The following GPRIN3 variants were observed in gnomAD, a reference collection of about 807,000 sequenced individuals.
GPRIN3 encodes GPRIN family member 3.
A neutral mutation model predicts 13.7 loss-of-function variants in GPRIN3; 12 were observed. The ratio of observed to expected loss-of-function variants is 0.87; its 90% CI spans 0.56 to 1.42. The LOEUF is 1.42. GPRIN3 is among the 40% of genes most tolerant of loss of function. GPRIN3 has a pLI of 0.00. For missense variants in GPRIN3, 1,009 were observed against 958.7 expected (o/e 1.05, Z -0.69); for synonymous variants, 377 against 372.7 (o/e 1.01, Z -0.13).
At chr4:89,278,931 C>T (rs1724168667) in intron 1 of GPRIN3, among the ~76,000 whole-genome samples, 2 of 152,216 alleles carry the variant, frequency 1.3e-5, no homozygotes, top group African/African-American at 4.8e-5. Context: ...AGGCCTGTCA[C>T]TGGAAGAAAC....
chr4:89,259,711 C>A (rs1723574274), intron 1 of GPRIN3, among the ~76,000 whole-genome samples: 1 of 152,170 alleles, frequency 6.6e-6, no homozygotes, highest in Non-Finnish European at 1.5e-5. Flanking sequence ...TCTACCACCC[C>A]CAACTGTTCC....
intron 1 of GPRIN3, among the ~76,000 whole-genome samples, chr4:89,301,590 C>T (rs528838691): frequency 7.2e-5 from 11 of 152,260 alleles, no homozygotes; most frequent in African/African-American, 2.6e-4. Flanking sequence ...ACACAATATG[C>T]TTATTTTAAT....
rs1277960037 is a variant in GPRIN3 at position 89,248,193 on chromosome 4, C to T, written c.1918G>A (p.Glu640Lys). 24 of 1,614,018 alleles carry T rather than the reference C, an allele frequency of 1.5e-5. No homozygotes were observed. Among genetic ancestry groups the T allele is most frequent in the Admixed American group, 5.0e-5 (3 of 60,006 alleles). Residue 640 changes from glutamate to lysine, a missense_variant, in exon 2 of 2, where the codon GAG (glutamate) becomes AAG (lysine). Coordinates refer to ENST00000609438, the MANE Select transcript of GPRIN3 (RefSeq NM_198281.3). Reference sequence around the variant, plus strand: ...TTTAACTTTTGCTCCTTGAGGAACTCGCTGACGCGGCTGGGCCTGCGTGGG... The same window carrying T: ...TTTAACTTTTGCTCCTTGAGGAACTTGCTGACGCGGCTGGGCCTGCGTGGG... ...ASPRRPSRVS[E>K]FLKEQKLNVT...
At chr4:89,252,574 C>T (rs562749275) in intron 1 of GPRIN3, among the ~76,000 whole-genome samples, 1 of 152,288 alleles carries the variant, frequency 6.6e-6, no homozygotes, top group African/African-American at 2.4e-5. Context: ...AAAATCAAAT[C>T]CGGTTGGACC....
chr4:89,262,935 C>CAA (rs1723673442), intron 1 of GPRIN3, among the ~76,000 whole-genome samples: 1 of 152,030 alleles, frequency 6.6e-6, no homozygotes. Context: ...GAAATTAAGT[C>CAA]AAAACATCAA....
chr4:89,248,675 G>C lies in GPRIN3; in HGVS notation c.1436C>G (p.Ala479Gly), dbSNP rs1457075990. 6.8e-6 allele frequency: 11 copies of C among 1,614,142 alleles called. No homozygotes were observed. Among genetic ancestry groups the C allele is most frequent in the Non-Finnish European group, 9.3e-6 (11 of 1,180,010 alleles). ...DQISISACSQ[A>G]ETSYGLGKFE... ...TTTCCCCAATCCATAACTTGTTTCAGCTTGACTGCATGCACTGATAGAAAT... is the reference window on the plus strand; with the variant it reads ...TTTCCCCAATCCATAACTTGTTTCACCTTGACTGCATGCACTGATAGAAAT... The change falls in exon 2 of 2, where the codon GCT (alanine) becomes GGT (glycine). Residue 479 changes from alanine (A) to glycine (G), a missense_variant. By Grantham distance (60) the Ala-to-Gly change is moderately conservative (BLOSUM62 0). Coordinates refer to ENST00000609438, the MANE Select transcript of GPRIN3 (RefSeq NM_198281.3).
intron 1 of GPRIN3, among the ~76,000 whole-genome samples, chr4:89,254,128 GGTGTGTGTGT>G (rs57642647): frequency 3.4e-5 from 5 of 147,646 alleles, no homozygotes; most frequent in Non-Finnish European, 6.0e-5. Flanking sequence ...GTTGCATCTG[GGTGTGTGTGT>G]GTGTGTGTGT....
chr4:89,292,723 C>A (rs1239658001), intron 1 of GPRIN3, among the ~76,000 whole-genome samples: 1 of 152,142 alleles, frequency 6.6e-6, no homozygotes, highest in Admixed American at 6.5e-5. Flanking sequence ...TCATACAGCA[C>A]CAATTACACA....
rs1224370766 is a variant in GPRIN3 at position 89,249,968 on chromosome 4, GAAAAGCC to G, written c.136_142del (p.Gly46GlnfsTer18). On this transcript the variant is annotated frameshift_variant, in exon 2 of 2. Coordinates refer to ENST00000609438, the MANE Select transcript of GPRIN3 (RefSeq NM_198281.3). LOFTEE classifies it low-confidence loss of function (END_TRUNC). ...GAGGTCTGGTTCTGCAGGGGCACCTGAAAAGCCATTGGCATTCTTACACAGGAGAGCT... is the reference window on the plus strand; with the variant it reads ...GAGGTCTGGTTCTGCAGGGGCACCTGATTGGCATTCTTACACAGGAGAGCT... 3 of 1,614,232 alleles carry G rather than the reference GAAAAGCC, an allele frequency of 1.9e-6. No individual in the cohort carries two copies. Among genetic ancestry groups the G allele is most frequent in the Non-Finnish European group, 2.5e-6 (3 of 1,180,018 alleles).
chr4:89,279,727 A>G (rs991280208), intron 1 of GPRIN3, among the ~76,000 whole-genome samples: 3 of 152,166 alleles, frequency 2.0e-5, no homozygotes, highest in African/African-American at 7.2e-5. Flanking sequence ...TATCTGCGCT[A>G]GGCTCTTACT....
intron 1 of GPRIN3, among the ~76,000 whole-genome samples, chr4:89,284,218 G>A (rs1287006345): frequency 1.3e-5 from 2 of 152,212 alleles, no homozygotes; most frequent in African/African-American, 4.8e-5. Flanking sequence ...ATGGGTGGGT[G>A]GAAGAGGCCA....
At chr4:89,263,164 C>T (rs1203187148) in intron 1 of GPRIN3, among the ~76,000 whole-genome samples, 2 of 152,148 alleles carry the variant, frequency 1.3e-5, no homozygotes, top group African/African-American at 2.4e-5. Flanking sequence ...TAAACACTTA[C>T]CCGCCACTTG....
rs116671807 is a variant in GPRIN3 at position 89,274,162 on chromosome 4, C to T, written c.-123-23929G>A. Among the ~76,000 whole-genome samples, 1,378 of 152,270 alleles carry T rather than the reference C, an allele frequency of 9.0e-3. 20 individuals are homozygous for T. The highest frequency in any genetic ancestry group is 0.031 in the African/African-American group (1,298 of 41,522). ...TTCTCTCATGAGAAAGAATCTAGCA[C>T]GTACAGCAACACGCCAAATAAATGA... On this transcript the variant is annotated intron_variant, in intron 1 of 1. Coordinates refer to ENST00000609438, the MANE Select transcript of GPRIN3 (RefSeq NM_198281.3).
chr4:89,294,592 C>G (rs1029307434), intron 1 of GPRIN3, among the ~76,000 whole-genome samples: 2 of 152,138 alleles, frequency 1.3e-5, no homozygotes, highest in African/African-American at 4.8e-5. Flanking sequence ...CAGATAAGTC[C>G]TTATTAAACA....
intron 1 of GPRIN3, among the ~76,000 whole-genome samples, chr4:89,276,042 C>T (rs964644300): frequency 3.3e-5 from 5 of 152,144 alleles, no homozygotes; most frequent in Non-Finnish European, 5.9e-5. Flanking sequence ...GAAATTCTTG[C>T]TATAATTAGT....
chr4:89,280,529 G>C (rs534629096), intron 1 of GPRIN3, among the ~76,000 whole-genome samples: 1 of 152,314 alleles, frequency 6.6e-6, no homozygotes, highest in East Asian at 1.9e-4. Flanking sequence ...GCTCAAATAT[G>C]TCATGGCCTC....
Position 89,283,378 on chromosome 4 carries a change from T to A in GPRIN3, c.-124+24237A>T, listed in dbSNP as rs116348192. Among the ~76,000 whole-genome samples the A allele has an allele frequency of 7.1e-3, 1,082 of 152,272 alleles. 8 individuals are homozygous for A. The highest frequency in any genetic ancestry group is 0.012 in the Admixed American group (190 of 15,294). On this transcript the variant is annotated intron_variant, in intron 1 of 1. Transcript: ENST00000609438. ...TTTCAATGGTAACACAAGAAAAGAA[T>A]GACTCATTCCAACTTTTGCAATCAG...
In GPRIN3 at chr4:89,236,574, A is replaced by G. The variant is rs1722800518; in HGVS notation, c.*11206T>C. 6.6e-6 allele frequency: 1 copy of G among 152,166 alleles called. No individual in the cohort carries two copies. 9.4% of individuals were successfully genotyped at this position (152,166 alleles called of 1,614,324 possible). A position where few individuals can be genotyped will look rare whatever the true frequency, so the allele number is the denominator to read the frequency against. ...TTGCAAAGTGAGCATTGTTATTCTC[A>G]GTTTCCAGATGAATGCACTGAAATA... On this transcript the variant is annotated 3_prime_UTR_variant, in exon 2 of 2. Coordinates refer to ENST00000609438, the MANE Select transcript of GPRIN3 (RefSeq NM_198281.3).
intron 1 of GPRIN3, among the ~76,000 whole-genome samples, chr4:89,302,927 A>ATC (rs1724937736): frequency 6.6e-6 from 1 of 152,112 alleles, no homozygotes; most frequent in Non-Finnish European, 1.5e-5. Context: ...AAGCAGATGA[A>ATC]TCTCTGACTT....
Sources: gnomAD v4.1 joint callset for allele counts (sites outside exome capture counted in the v4.1 genomes callset) on GRCh38, gnomAD v4.1.1 for gene constraint, MANE v1.5 for transcripts, NCBI Gene and HGNC (gene_info 2026-07-23, HGNC 2026-07-21) for gene names.